Variants in KANK4 observed in about 807,000 individuals in gnomAD.
KANK4 encodes the protein KN motif and ankyrin repeat domains 4.
In KANK4, 50 loss-of-function variants were observed where a neutral mutation model predicts 80.8. The observed-to-expected ratio is 0.62, with a 90% CI of 0.49 to 0.78. The LOEUF (loss-of-function observed/expected upper bound fraction) is 0.78, where lower values mean the gene tolerates loss of function less well. Ranked by LOEUF, KANK4 falls within the 30% of genes least tolerant of loss-of-function variation. KANK4 has a pLI of 0.00. For synonymous variants in KANK4, 465 were observed against 506.9 expected (o/e 0.92, Z 1.11); for missense variants, 1,196 against 1,240.1 (o/e 0.96, Z 0.53).
intron 1 of KANK4, among the ~76,000 whole-genome samples, chr1:62,317,146 G>A (rs764926531): frequency 2.6e-5 from 4 of 152,172 alleles, no homozygotes; most frequent in Non-Finnish European, 5.9e-5. Context: ...AGCCAGAAGT[G>A]AGGCTGGGAA....
At chr1:62,263,843 T>C (rs1416612912) in intron 6 of KANK4, among the ~76,000 whole-genome samples, 1 of 152,118 alleles carries the variant, frequency 6.6e-6, no homozygotes, top group Non-Finnish European at 1.5e-5. Flanking sequence ...GTGCTTGACA[T>C]GTTTGGCTTT....
intron 1 of KANK4, 56 bp from the exon 2 acceptor site, chr1:62,281,690 T>C (rs543699041): frequency 2.0e-4 from 217 of 1,106,690 alleles, no homozygotes; most frequent in Non-Finnish European, 2.8e-4. Flanking sequence ...GAATAAGTAT[T>C]GGGGAAACAC....
chr1:62,313,711 C>T (rs1557513796), intron 1 of KANK4, among the ~76,000 whole-genome samples: 2 of 151,780 alleles, frequency 1.3e-5, no homozygotes. Flanking sequence ...GGGTGAGGGG[C>T]AAGGGGAGGG....
chr1:62,307,499 T>A (rs868307704), intron 1 of KANK4, among the ~76,000 whole-genome samples: 1,779 of 102,044 alleles, frequency 0.017, 34 homozygotes, highest in African/African-American at 0.054. Context: ...AAAAAAAAAA[T>A]TCCTGAGGAG....
At chr1:62,243,585 C>G (rs554979593) in intron 9 of KANK4, among the ~76,000 whole-genome samples, 9 of 152,082 alleles carry the variant, frequency 5.9e-5, no homozygotes, top group Non-Finnish European at 1.2e-4. Flanking sequence ...GTGATCCACC[C>G]GCCTCGGCCT....
At chr1:62,314,304 C>T (rs1348715968) in intron 1 of KANK4, among the ~76,000 whole-genome samples, 1 of 152,150 alleles carries the variant, frequency 6.6e-6, no homozygotes, top group Non-Finnish European at 1.5e-5. Context: ...TGAGCCACTG[C>T]GCCCAGCCTC....
intron 1 of KANK4, among the ~76,000 whole-genome samples, chr1:62,289,991 G>C (rs764410254): frequency 6.6e-6 from 1 of 152,144 alleles, no homozygotes; most frequent in Non-Finnish European, 1.5e-5. Context: ...TTTCCTATAA[G>C]TCACGGAGCT....
At chr1:62,265,294 G>T (rs574131514) in intron 6 of KANK4, among the ~76,000 whole-genome samples, 3 of 152,106 alleles carry the variant, frequency 2.0e-5, no homozygotes, top group African/African-American at 7.2e-5. Flanking sequence ...AGGCTGGAGT[G>T]CAGTGGTGCA....
intron 1 of KANK4, among the ~76,000 whole-genome samples, chr1:62,296,089 A>G (rs1210000413): frequency 1.3e-5 from 2 of 152,232 alleles, no homozygotes; most frequent in Admixed American, 1.3e-4. Flanking sequence ...ATCAGCAGTT[A>G]AGGAGAAAAA....
At chr1:62,288,032 G>A (rs2149158388) in intron 1 of KANK4, among the ~76,000 whole-genome samples, 2 of 152,234 alleles carry the variant, frequency 1.3e-5, no homozygotes, top group East Asian at 3.9e-4. Flanking sequence ...CTGGAGGCAC[G>A]CAGCATTTCT....
intron 1 of KANK4, among the ~76,000 whole-genome samples, chr1:62,300,497 T>G (rs1468026815): frequency 6.6e-6 from 1 of 151,946 alleles, no homozygotes; most frequent in African/African-American, 2.4e-5. Context: ...ACATCACAGA[T>G]CTGGTATTTT....
intron 1 of KANK4, among the ~76,000 whole-genome samples, chr1:62,306,414 CA>C (rs748219807): frequency 5.3e-5 from 8 of 152,080 alleles, no homozygotes; most frequent in Non-Finnish European, 1.2e-4. Flanking sequence ...ATTTTCTATA[CA>C]AATATATCTG....
chr1:62,271,512 T>C lies in KANK4; in HGVS notation c.1978A>G (p.Lys660Glu). Residue 660 changes from lysine (K) to glutamate (E), a missense_variant, in exon 4 of 10, where the codon AAA becomes GAA. By Grantham distance (56) the Lys-to-Glu change is moderately conservative. Around this residue, in one of 3 missense-constraint regions of KANK4, gnomAD observed 1,154 missense variants for 1,179.6 expected, o/e 0.98. Coordinates refer to ENST00000371153, the MANE Select transcript of KANK4 (RefSeq NM_181712.5). ...YGFRAGGNGT[K>E]KNLQFVGVNG... ...ACCCCAACAAACTGAAGGTTCTTTT[T>C]GGTCCCATTACCTCCTGCACGGAAG... 1.2e-6 allele frequency: 2 copies of C among 1,614,116 alleles called. No homozygotes were observed. The highest frequency in any genetic ancestry group is 1.7e-6 in the Non-Finnish European group (2 of 1,179,950).
intron 6 of KANK4, among the ~76,000 whole-genome samples, chr1:62,265,239 T>C (rs1671992389): frequency 6.6e-6 from 1 of 152,076 alleles, no homozygotes; most frequent in Non-Finnish European, 1.5e-5. Context: ...TTGGTTCTTT[T>C]TTTTTTTCTC....
At chr1:62,270,497 G>A (rs1002036664) in intron 4 of KANK4, among the ~76,000 whole-genome samples, 1 of 151,594 alleles carries the variant, frequency 6.6e-6, no homozygotes, top group Non-Finnish European at 1.5e-5. Context: ...CGATTCTCCT[G>A]CCTCAGCCTC....
At chr1:62,292,731 C>T (rs1672704337) in intron 1 of KANK4, among the ~76,000 whole-genome samples, 1 of 152,138 alleles carries the variant, frequency 6.6e-6, no homozygotes, top group Admixed American at 6.5e-5. Flanking sequence ...TTTTGGATCA[C>T]CTGTTCTACA....
rs562626707 is a variant in KANK4, at chr1:62,313,072, G to C, written c.-71+6034C>G. 7.9e-5 allele frequency among the ~76,000 whole-genome samples: 12 copies of C among 152,324 alleles called. 1 individual carries two copies. In the South Asian group the frequency reaches 2.3e-3, roughly 29 times the overall value. On this transcript the variant is annotated intron_variant, in intron 1 of 9. Coordinates refer to ENST00000371153, the MANE Select transcript of KANK4 (RefSeq NM_181712.5). Reference sequence around the variant, plus strand: ...AAATATTAAGACATTTTGAGGGAGAGAGAGAAAGACCATATTCACATAGTT... The same window carrying C: ...AAATATTAAGACATTTTGAGGGAGACAGAGAAAGACCATATTCACATAGTT...
At chr1:62,238,494 G>A (rs1048156391) in intron 9 of KANK4, 113 bp from the exon 10 acceptor site, 4 of 789,662 alleles carry the variant, frequency 5.1e-6, no homozygotes, top group Non-Finnish European at 8.5e-6. Context: ...GTCTATTAAG[G>A]CTTCCAGAGA....
rs1327023645 is a variant in KANK4 at position 62,238,139 on chromosome 1, G to A, written c.*138C>T. ...CCTAATGAGCAGAATTATACAACAG[G>A]AATGTATGTGCATATTTGACATAGT... On this transcript the variant is annotated 3_prime_UTR_variant, in exon 10 of 10. Transcript: ENST00000371153. 3.3e-6 allele frequency: 2 copies of A among 606,954 alleles called. No individual in the cohort carries two copies. The highest frequency in any genetic ancestry group is 3.7e-5 in the African/African-American group (2 of 53,974). The allele number at this position is 606,954 out of a possible 1,614,324, so 37.6% of individuals were successfully genotyped here.
Sources: gnomAD v4.1 joint callset for allele counts (sites outside exome capture counted in the v4.1 genomes callset) on GRCh38, gnomAD v4.1.1 for gene constraint, gnomAD v4.1.1 regional missense constraint, MANE v1.5 for transcripts, NCBI Gene and HGNC (gene_info 2026-07-23, HGNC 2026-07-21) for gene names.